UST: variants seen among roughly 807,000 people sequenced by gnomAD.
The protein encoded by UST is chondroitin sulfate 2-O-sulfotransferase.
Under a neutral mutation model 45.6 loss-of-function variants are expected in UST, and 21 were observed. The observed-to-expected ratio is 0.46, with a 90% CI of 0.33 to 0.66. The LOEUF (loss-of-function observed/expected upper bound fraction) is 0.66. Ranked by LOEUF, UST falls within the 30% of genes least tolerant of loss-of-function variation. The pLI is 0.02. For missense variants in UST, 463 were observed against 512.4 expected, an observed-to-expected ratio of 0.90 and a Z score of 0.93; for synonymous variants, 215 against 200.6, an observed-to-expected ratio of 1.07 and a Z score of -0.61.
intron 2 of UST, among the ~76,000 whole-genome samples, chr6:148,897,876 G>T (rs951884308): frequency 4.1e-4 from 62 of 152,168 alleles, no homozygotes; most frequent in African/African-American, 1.4e-3. Context: ...GGTCTTGTAG[G>T]TATCCCCGCT....
chr6:149,054,007 A>G (rs1190129578), intron 7 of UST, among the ~76,000 whole-genome samples: 1 of 152,202 alleles, frequency 6.6e-6, no homozygotes, highest in Non-Finnish European at 1.5e-5. Flanking sequence ...ACCCCTGTCC[A>G]AGACACCAGC....
At chr6:148,859,436 T>C (rs1429424211) in intron 1 of UST, among the ~76,000 whole-genome samples, 2 of 152,228 alleles carry the variant, frequency 1.3e-5, no homozygotes, top group African/African-American at 4.8e-5. Flanking sequence ...TCTCCCATTC[T>C]GTAGGTTGCC....
At chr6:149,008,170 G>A (rs945642142) in intron 5 of UST, among the ~76,000 whole-genome samples, 5 of 152,108 alleles carry the variant, frequency 3.3e-5, no homozygotes, top group Non-Finnish European at 7.4e-5. Context: ...ACAGAGGCAG[G>A]AATTTATTTT....
intron 5 of UST, among the ~76,000 whole-genome samples, chr6:149,012,677 A>G (rs1324745866): frequency 6.6e-6 from 1 of 152,086 alleles, no homozygotes; most frequent in Non-Finnish European, 1.5e-5. Flanking sequence ...CCACAGTGGT[A>G]TATTTTGCAT....
chr6:148,924,526 T>A (rs1779774358), intron 2 of UST, among the ~76,000 whole-genome samples: 1 of 152,184 alleles, frequency 6.6e-6, no homozygotes, highest in African/African-American at 2.4e-5. Flanking sequence ...CACACAGTTT[T>A]GCTTAAGTCC....
intron 1 of UST, among the ~76,000 whole-genome samples, chr6:148,839,810 C>G (rs1777856530): frequency 6.6e-6 from 1 of 152,140 alleles, no homozygotes; most frequent in Non-Finnish European, 1.5e-5. Flanking sequence ...AAGCTTTCAG[C>G]CAATTTCCCT....
intron 5 of UST, among the ~76,000 whole-genome samples, chr6:148,982,118 A>G (rs1562320143): frequency 7.8e-6 from 1 of 128,658 alleles, no homozygotes; most frequent in African/African-American, 2.8e-5. Flanking sequence ...TTTTTTTTTG[A>G]GATGGAGTCT....
At chr6:148,910,134 C>CTTTTTTTTTTTTTT (rs148286486) in intron 2 of UST, among the ~76,000 whole-genome samples, 1 of 103,444 alleles carries the variant, frequency 9.7e-6, no homozygotes, top group Non-Finnish European at 1.9e-5. Flanking sequence ...GCCTGGGATG[C>CTTTTTTTTTTTTTT]TTTTTTTTTT....
chr6:148,991,565 G>A (rs1315230437), intron 5 of UST, among the ~76,000 whole-genome samples: 1 of 129,228 alleles, frequency 7.7e-6, no homozygotes, highest in African/African-American at 3.0e-5. Context: ...CTGTGTCCAA[G>A]TGTTCTCATT....
intron 3 of UST, 120 bp downstream of exon 3, chr6:148,941,554 A>C: frequency 1.7e-5 from 21 of 1,217,406 alleles, no homozygotes; most frequent in Non-Finnish European, 2.4e-5. Context: ...TTTTGATTTC[A>C]TGCTGTATTT....
At chr6:149,062,675 A>T (rs1172273065) in intron 7 of UST, among the ~76,000 whole-genome samples, 1 of 152,204 alleles carries the variant, frequency 6.6e-6, no homozygotes, top group African/African-American at 2.4e-5. Flanking sequence ...TTTCCACTCA[A>T]TTTGGAAATT....
At chr6:148,980,622 A>C (rs1171266648) in intron 5 of UST, among the ~76,000 whole-genome samples, 1 of 152,234 alleles carries the variant, frequency 6.6e-6, no homozygotes, top group African/African-American at 2.4e-5. Context: ...ATAAACGCTA[A>C]TCCAACCAAG....
intron 2 of UST, among the ~76,000 whole-genome samples, chr6:148,915,627 G>A (rs917219242): frequency 2.0e-5 from 3 of 152,182 alleles, no homozygotes; most frequent in Non-Finnish European, 2.9e-5. Context: ...AGCCACAAAC[G>A]ATAAACATCC....
At chr6:149,042,163 CTGAAGTTTGTATATGA>C in intron 7 of UST, among the ~76,000 whole-genome samples, 2 of 152,098 alleles carry the variant, frequency 1.3e-5, no homozygotes, top group Non-Finnish European at 2.9e-5. Flanking sequence ...GATGAGGAAA[CTGAAGTTTGTATATGA>C]CGTCACTATT....
At position 148,769,750 on chromosome 6, in the gene UST, T is replaced by TTGTGTGTGTGTGTG. The variant is rs57316536; in HGVS notation, c.247+22093_247+22106dup. On this transcript the variant is annotated intron_variant, in intron 1 of 7. Coordinates refer to ENST00000367463, the MANE Select transcript of UST (RefSeq NM_005715.3). Reference sequence around the variant, plus strand: ...AGTATAGGAATGTAGGAGCCTGTGTTTGTGTGTGTGTGTGTGTGTGTGTGT... The same window carrying TTGTGTGTGTGTGTG: ...AGTATAGGAATGTAGGAGCCTGTGTTTGTGTGTGTGTGTGTGTGTGTGTGTGTGTGTGTGTGTGT... Among the ~76,000 whole-genome samples the TTGTGTGTGTGTGTG allele has an allele frequency of 4.2e-3, 626 of 148,214 alleles. 9 individuals are homozygous for TTGTGTGTGTGTGTG. Among genetic ancestry groups the TTGTGTGTGTGTGTG allele is most frequent in the African/African-American group, 0.015 (595 of 40,574 alleles).
chr6:148,747,711 G>A (rs750967960), intron 1 of UST, 34 bp downstream of exon 1: 1 of 1,553,766 alleles, frequency 6.4e-7, no homozygotes. Context: ...GGGCGGCGCC[G>A]ACAGCGCAAA....
chr6:148,857,750 G>C (rs1202931447), intron 1 of UST, among the ~76,000 whole-genome samples: 2 of 131,680 alleles, frequency 1.5e-5, no homozygotes, highest in Admixed American at 1.7e-4. Context: ...GAGACAGAGT[G>C]AGTCTCCATC....
At chr6:148,937,906 T>A (rs1392553631) in intron 2 of UST, among the ~76,000 whole-genome samples, 5 of 152,216 alleles carry the variant, frequency 3.3e-5, no homozygotes, top group African/African-American at 1.2e-4. Flanking sequence ...AACTCCAACT[T>A]ATAAATGCTA....
intron 7 of UST, among the ~76,000 whole-genome samples, chr6:149,062,861 G>A (rs116128299): frequency 0.017 from 2,583 of 152,348 alleles, 86 homozygotes; most frequent in African/African-American, 0.058. Flanking sequence ...AGTGAGGGGC[G>A]ATGTGAAAGC....
Sources: allele counts gnomAD v4.1 joint callset (sites outside exome capture counted in the v4.1 genomes callset), GRCh38; gene constraint gnomAD v4.1.1; transcripts MANE v1.5; gene names NCBI Gene and HGNC (gene_info 2026-07-23, HGNC 2026-07-21).